Variants in FOXO3 observed in about 807,000 individuals in gnomAD.
The protein encoded by FOXO3 is forkhead box O3.
A neutral mutation model predicts 41.9 loss-of-function variants in FOXO3; 4 were observed. That is an observed-to-expected ratio of 0.10 (90% CI 0.05 to 0.22). The LOEUF (loss-of-function observed/expected upper bound fraction) is 0.22. Among genes scored for constraint, FOXO3 ranks in the 10% least tolerant of loss-of-function variants. The pLI, the probability that FOXO3 is intolerant of heterozygous loss-of-function variation, is 1.00. For synonymous variants in FOXO3, 318 were observed against 389.3 expected (o/e 0.82, Z 2.16); for missense variants, 534 against 906.8 (o/e 0.59, Z 5.28).
intron 2 of FOXO3, among the ~76,000 whole-genome samples, chr6:108,666,524 TA>T (rs1779067021): frequency 6.6e-6 from 1 of 151,518 alleles, no homozygotes; most frequent in South Asian, 2.1e-4. Context: ...TTTTAATTTT[TA>T]GTAGAGATGG....
At chr6:108,669,660 C>T (rs539716720) in intron 2 of FOXO3, among the ~76,000 whole-genome samples, 35 of 152,132 alleles carry the variant, frequency 2.3e-4, no homozygotes, top group African/African-American at 8.0e-4. Flanking sequence ...TGTCGATGAG[C>T]GCGAGAGAAA....
chr6:108,599,958 G>A (rs950690185), intron 1 of FOXO3, among the ~76,000 whole-genome samples: 8 of 152,174 alleles, frequency 5.3e-5, no homozygotes, highest in Admixed American at 3.9e-4. Context: ...TCCTCTATGT[G>A]AGGAAGGTCC....
intron 1 of FOXO3, among the ~76,000 whole-genome samples, chr6:108,633,588 G>A (rs1778034064): frequency 6.6e-6 from 1 of 152,062 alleles, no homozygotes; most frequent in South Asian, 2.1e-4. Flanking sequence ...CTACATGAAG[G>A]TCAAATACTT....
chr6:108,619,706 A>G (rs2128372321), intron 1 of FOXO3, among the ~76,000 whole-genome samples: 1 of 152,300 alleles, frequency 6.6e-6, no homozygotes, highest in African/African-American at 2.4e-5. Context: ...TGCTTGCCCC[A>G]CTTTTGAAAC....
chr6:108,597,630 T>G (rs900312984), intron 1 of FOXO3, among the ~76,000 whole-genome samples: 3 of 152,190 alleles, frequency 2.0e-5, no homozygotes, highest in Admixed American at 1.3e-4. Flanking sequence ...GTTACCAGTC[T>G]CCAGAGTCCA....
chr6:108,649,015 A>T (rs1334464375), intron 1 of FOXO3, among the ~76,000 whole-genome samples: 2 of 150,304 alleles, frequency 1.3e-5, no homozygotes, highest in Admixed American at 6.6e-5. Flanking sequence ...TCTTAAAAAA[A>T]AAAAAAAAAA....
chr6:108,659,954 C>T lies in FOXO3; in HGVS notation c.622-3501C>T, dbSNP rs149657559. ...GGTTGGAATTGGTGATGCTAAAGTA[C>T]ATTTTAAAATATTGTTCCCTAAATG... On this transcript the variant is annotated intron_variant, in intron 1 of 2. Transcript: ENST00000406360. 4.7e-4 allele frequency among the ~76,000 whole-genome samples: 71 copies of T among 152,286 alleles called. 1 individual carries two copies. Among genetic ancestry groups the T allele is most frequent in the African/African-American group, 1.6e-3 (66 of 41,566 alleles).
At chr6:108,605,456 C>T (rs1157809850) in intron 1 of FOXO3, among the ~76,000 whole-genome samples, 1 of 152,094 alleles carries the variant, frequency 6.6e-6, no homozygotes, top group Non-Finnish European at 1.5e-5. Context: ...ATTTTGAAAA[C>T]TATTAATAAT....
At chr6:108,587,158 C>A (rs1776604790) in intron 1 of FOXO3, among the ~76,000 whole-genome samples, 1 of 151,804 alleles carries the variant, frequency 6.6e-6, no homozygotes, top group East Asian at 1.9e-4. Context: ...TGGGTCTGGC[C>A]CATGACTGGT....
chr6:108,645,644 G>T (rs189355112), intron 1 of FOXO3, among the ~76,000 whole-genome samples: 2 of 152,264 alleles, frequency 1.3e-5, no homozygotes, highest in African/African-American at 2.4e-5. Flanking sequence ...AACATTAGAA[G>T]ATGATAGAAC....
At chr6:108,600,347 A>G (rs1189123859) in intron 1 of FOXO3, among the ~76,000 whole-genome samples, 1 of 151,928 alleles carries the variant, frequency 6.6e-6, no homozygotes, top group Non-Finnish European at 1.5e-5. Context: ...GGAATTCAAG[A>G]CCAGCCTGGC....
At chr6:108,651,201 G>A (rs555556325) in intron 1 of FOXO3, among the ~76,000 whole-genome samples, 151 of 152,318 alleles carry the variant, frequency 9.9e-4, no homozygotes, top group Middle Eastern at 3.4e-3. Flanking sequence ...TTTGTTTGCA[G>A]TAGCCAACAT....
intron 2 of FOXO3, among the ~76,000 whole-genome samples, chr6:108,671,588 A>G (rs1214354574): frequency 6.6e-6 from 1 of 152,228 alleles, no homozygotes; most frequent in East Asian, 1.9e-4. Context: ...ACTACCTCTG[A>G]TATGGGCTAA....
chr6:108,612,879 G>A (rs1562244306), intron 1 of FOXO3, among the ~76,000 whole-genome samples: 2 of 152,034 alleles, frequency 1.3e-5, no homozygotes, highest in Non-Finnish European at 2.9e-5. Flanking sequence ...TATCATGTTA[G>A]GTGTAAGTTT....
At position 108,561,603 on chromosome 6, in the gene FOXO3, C is replaced by G. The variant is rs1360769604; in HGVS notation, c.395C>G (p.Pro132Arg). The part of the protein sequence containing the change: ...GTQALLQPQQ[P>R]LPPPQPGAAG... Reference sequence around the variant, plus strand: ...CAGGCGCTGCTGCAGCCTCAGCAACCGCTGCCACCGCCGCAGCCGGGGGCG... The same window carrying G: ...CAGGCGCTGCTGCAGCCTCAGCAACGGCTGCCACCGCCGCAGCCGGGGGCG... The change falls in exon 1 of 3, where the codon CCG becomes CGG. Residue 132 changes from proline to arginine, a missense_variant. Around this residue, in one of 8 missense-constraint regions of FOXO3, gnomAD observed 139 missense variants for 163.7 expected, o/e 0.85. Transcript: ENST00000406360. 6.6e-7 allele frequency: 1 copy of G among 1,522,144 alleles called. No individual in the cohort carries two copies. Among genetic ancestry groups the G allele is most frequent in the Non-Finnish European group, 8.8e-7 (1 of 1,135,048 alleles). The allele number at this position is 1,522,144 out of a possible 1,614,324, so 94.3% of individuals were successfully genotyped here.
At chr6:108,639,621 T>C in intron 1 of FOXO3, 3 of 982,132 alleles carry the variant, frequency 3.1e-6, no homozygotes, top group Non-Finnish European at 3.6e-6. Flanking sequence ...TTTGGTTTGC[T>C]CCTGGTTGAG....
At chr6:108,560,823 G>C (rs1048694609), upstream of FOXO3, 1 of 415,208 alleles carries the variant, frequency 2.4e-6, no homozygotes, top group Non-Finnish European at 3.7e-6. Context: ...CGCCTAGCCC[G>C]GGAGGGACCT....
intron 1 of FOXO3, among the ~76,000 whole-genome samples, chr6:108,622,771 T>A (rs1777703817): frequency 6.6e-6 from 1 of 152,052 alleles, no homozygotes; most frequent in South Asian, 2.1e-4. Context: ...TCATTTACTC[T>A]GAGCAAGGGT....
intron 1 of FOXO3, among the ~76,000 whole-genome samples, chr6:108,585,082 C>T (rs1386596070): frequency 2.3e-5 from 3 of 131,794 alleles, no homozygotes; most frequent in Non-Finnish European, 4.7e-5. Context: ...TTGCCCAGGC[C>T]GGACTGCGGA....
Sources: gnomAD v4.1 joint callset for allele counts (sites outside exome capture counted in the v4.1 genomes callset) on GRCh38, gnomAD v4.1.1 for gene constraint, gnomAD v4.1.1 regional missense constraint, MANE v1.5 for transcripts, NCBI Gene and HGNC (gene_info 2026-07-23, HGNC 2026-07-21) for gene names.